The following CNTN4 variants were observed in gnomAD, a reference collection of about 807,000 sequenced individuals.
CNTN4 encodes the protein contactin-4.
A neutral mutation model predicts 122.5 loss-of-function variants in CNTN4; 77 were observed. The observed-to-expected ratio is 0.63, with a 90% CI of 0.52 to 0.76. The LOEUF (loss-of-function observed/expected upper bound fraction) is 0.76, where lower values mean the gene tolerates loss of function less well. Among genes scored for constraint, CNTN4 ranks in the 30% least tolerant of loss-of-function variants. The probability of loss-of-function intolerance (pLI) is 0.00; values close to 1 mark genes in which losing one functional copy is unlikely to be tolerated. For synonymous variants in CNTN4, 512 were observed against 447.0 expected (o/e 1.15, Z -1.83); for missense variants, 1,256 against 1,259.1 (o/e 1.00, Z 0.04).
chr3:2,327,827 T>C (rs2043524039), intron 2 of CNTN4, among the ~76,000 whole-genome samples: 1 of 152,166 alleles, frequency 6.6e-6, no homozygotes, highest in South Asian at 2.1e-4. Context: ...CTGTTTCATA[T>C]ATAGGTGACA....
intron 7 of CNTN4, among the ~76,000 whole-genome samples, chr3:2,847,429 A>G (rs1204578187): frequency 2.0e-5 from 3 of 152,218 alleles, no homozygotes; most frequent in Admixed American, 6.5e-5. Context: ...AATGTTCACC[A>G]AGCAATTTGT....
At chr3:2,916,918 G>T (rs1429491902) in intron 12 of CNTN4, among the ~76,000 whole-genome samples, 3 of 149,014 alleles carry the variant, frequency 2.0e-5, no homozygotes, top group African/African-American at 7.5e-5. Flanking sequence ...GGCAGAGGCT[G>T]CAGTCTCGGC....
chr3:2,457,406 C>G (rs78301628), intron 3 of CNTN4, among the ~76,000 whole-genome samples: 6,002 of 152,182 alleles, frequency 0.039, 178 homozygotes, highest in Non-Finnish European at 0.064. Context: ...CCCCAAGCTT[C>G]ATAGCACAGA....
chr3:2,171,039 A>G (rs756666242), intron 2 of CNTN4, among the ~76,000 whole-genome samples: 1 of 152,224 alleles, frequency 6.6e-6, no homozygotes, highest in Non-Finnish European at 1.5e-5. Flanking sequence ...GGACTTCCTC[A>G]GCCTGATTTT....
At chr3:2,197,978 G>A (rs2037923386) in intron 2 of CNTN4, among the ~76,000 whole-genome samples, 1 of 150,484 alleles carries the variant, frequency 6.6e-6, no homozygotes, top group Non-Finnish European at 1.5e-5. Context: ...TCACACCACT[G>A]CACTCCCACC....
chr3:2,645,345 A>G (rs1410137313), intron 4 of CNTN4, among the ~76,000 whole-genome samples: 1 of 152,184 alleles, frequency 6.6e-6, no homozygotes, highest in Non-Finnish European at 1.5e-5. Flanking sequence ...GAAGAACATG[A>G]TGTTATTAAC....
intron 2 of CNTN4, among the ~76,000 whole-genome samples, chr3:2,199,886 T>A (rs948199377): frequency 2.6e-5 from 4 of 152,168 alleles, no homozygotes; most frequent in Admixed American, 6.6e-5. Flanking sequence ...GAATAACTTG[T>A]GTAGAGACTC....
rs528117569 is a variant in CNTN4 at position 2,737,688 on chromosome 3, A to G, written c.182+1347A>G. 2.6e-5 allele frequency among the ~76,000 whole-genome samples: 4 copies of G among 152,238 alleles called. No individual in the cohort carries two copies. In the South Asian group the frequency reaches 6.2e-4, roughly 24 times the overall value. On this transcript the variant is annotated intron_variant, in intron 5 of 24. Coordinates refer to ENST00000418658, the MANE Select transcript of CNTN4 (RefSeq NM_175607.3). ...GTTTTCATGTTAATAAACTACAAGT[A>G]TGAATTGAGCTTTGGTTTTCATGGC...
At chr3:2,182,073 C>G (rs1353454592) in intron 2 of CNTN4, among the ~76,000 whole-genome samples, 1 of 152,044 alleles carries the variant, frequency 6.6e-6, no homozygotes, top group Admixed American at 6.6e-5. Context: ...GGAATTTTAT[C>G]ATAAATTACA....
Position 2,315,433 on chromosome 3 carries a change from C to T in CNTN4, c.-144-23745C>T, listed in dbSNP as rs186204577. 8.6e-5 allele frequency among the ~76,000 whole-genome samples: 13 copies of T among 151,632 alleles called. No individual in the cohort carries two copies. In the East Asian group the frequency reaches 1.9e-3, roughly 23 times the overall value. ...GAAGTAAAGAGAGGCACTTGGTAGG[C>T]GAAAACAGTGGATATCCAGCTTGGT... On this transcript the variant is annotated intron_variant, in intron 2 of 24. Transcript: ENST00000418658.
At chr3:2,987,595 C>A (rs1694693583) in intron 13 of CNTN4, among the ~76,000 whole-genome samples, 1 of 152,216 alleles carries the variant, frequency 6.6e-6, no homozygotes, top group South Asian at 2.1e-4. Flanking sequence ...AGCCTCTAAG[C>A]CAAGCTGTGT....
At chr3:2,722,657 G>T (rs1021632632) in intron 4 of CNTN4, among the ~76,000 whole-genome samples, 1 of 152,088 alleles carries the variant, frequency 6.6e-6, no homozygotes, top group African/African-American at 2.4e-5. Flanking sequence ...TCAAGTCAAT[G>T]GCATTTTTTC....
intron 4 of CNTN4, among the ~76,000 whole-genome samples, chr3:2,671,538 T>G (rs906067484): frequency 1.3e-5 from 2 of 152,196 alleles, no homozygotes; most frequent in African/African-American, 2.4e-5. Flanking sequence ...GTTTCAAACT[T>G]CCTCCTTTAG....
intron 2 of CNTN4, among the ~76,000 whole-genome samples, chr3:2,156,527 A>G (rs796351226): frequency 6.6e-6 from 1 of 152,218 alleles, no homozygotes; most frequent in East Asian, 1.9e-4. Context: ...TCCATTACGC[A>G]TGTGGGACAT....
At chr3:2,614,382 T>C (rs1270285381) in intron 4 of CNTN4, among the ~76,000 whole-genome samples, 2 of 152,130 alleles carry the variant, frequency 1.3e-5, no homozygotes, top group African/African-American at 2.4e-5. Flanking sequence ...CTGAATATAA[T>C]GGCAAGTCAT....
intron 14 of CNTN4, among the ~76,000 whole-genome samples, chr3:3,021,264 T>TG (rs1698264875): frequency 6.6e-6 from 1 of 152,216 alleles, no homozygotes; most frequent in African/African-American, 2.4e-5. Flanking sequence ...TTGATACAGT[T>TG]TATCTTGCAC....
At chr3:2,532,730 C>A (rs2077643916) in intron 3 of CNTN4, among the ~76,000 whole-genome samples, 1 of 152,050 alleles carries the variant, frequency 6.6e-6, no homozygotes, top group African/African-American at 2.4e-5. Context: ...TGTTTACATT[C>A]TTAAAAAAGT....
chr3:2,785,644 A>C (rs1006838008), intron 6 of CNTN4, among the ~76,000 whole-genome samples: 1 of 152,226 alleles, frequency 6.6e-6, no homozygotes, highest in South Asian at 2.1e-4. Context: ...TGGGAACTGG[A>C]AGGAAACTCG....
At chr3:2,678,075 GA>G (rs1368456092) in intron 4 of CNTN4, among the ~76,000 whole-genome samples, 1 of 151,732 alleles carries the variant, frequency 6.6e-6, no homozygotes, top group Non-Finnish European at 1.5e-5. Flanking sequence ...TTTAAGGTAG[GA>G]AAAAAAGGGG....
Sources: gnomAD v4.1 joint callset for allele counts (sites outside exome capture counted in the v4.1 genomes callset) on GRCh38, gnomAD v4.1.1 for gene constraint, MANE v1.5 for transcripts, NCBI Gene and HGNC (gene_info 2026-07-23, HGNC 2026-07-21) for gene names.